Variants in CSMD3 observed in about 807,000 individuals in gnomAD.
CSMD3 encodes CUB and Sushi multiple domains 3.
CSMD3 carries 177 observed loss-of-function variants against 435.2 expected under a neutral mutation model. That is an observed-to-expected ratio of 0.41 (90% confidence interval 0.36 to 0.46). The LOEUF is 0.46. Ranked by LOEUF, CSMD3 falls within the 20% of genes least tolerant of loss-of-function variation. The pLI is 0.34. For synonymous variants in CSMD3, 1,656 were observed against 1,520.5 expected (o/e 1.09, Z -2.07); for missense variants, 4,265 against 4,504.6 (o/e 0.95, Z 1.52).
intron 1 of CSMD3, among the ~76,000 whole-genome samples, chr8:113,433,369 G>A (rs1474671008): frequency 1.3e-5 from 2 of 152,128 alleles, no homozygotes; most frequent in Non-Finnish European, 2.9e-5. Flanking sequence ...TGAAAGCTCC[G>A]GACATGGCCA....
At chr8:112,916,060 T>C (rs758388334) in intron 10 of CSMD3, among the ~76,000 whole-genome samples, 1 of 151,844 alleles carries the variant, frequency 6.6e-6, no homozygotes, top group Non-Finnish European at 1.5e-5. Flanking sequence ...TCAGAAGATA[T>C]TAAGCAAATG....
intron 1 of CSMD3, among the ~76,000 whole-genome samples, chr8:113,318,943 A>C (rs1003704841): frequency 1.3e-5 from 2 of 151,910 alleles, no homozygotes; most frequent in Non-Finnish European, 2.9e-5. Flanking sequence ...TTATCAATTT[A>C]TCTCTCAACG....
chr8:113,269,222 G>T (rs1464732368), intron 3 of CSMD3, among the ~76,000 whole-genome samples: 1 of 151,974 alleles, frequency 6.6e-6, no homozygotes, highest in Non-Finnish European at 1.5e-5. Flanking sequence ...GCTTCAAAGA[G>T]AATAAAATAC....
rs989212923 is a variant in CSMD3, at chr8:112,393,181, C to A, written c.5810-2393G>T. On this transcript the variant is annotated intron_variant, in intron 35 of 70. Coordinates refer to ENST00000297405, the MANE Select transcript of CSMD3 (RefSeq NM_198123.2). ...GATTATAGGCACGAGCCACTGTGCC[C>A]GGCCTACAGATAAATATAGTTAATT... Among the ~76,000 whole-genome samples the A allele has an allele frequency of 1.9e-4, 29 of 152,106 alleles. 1 individual carries two copies. Among genetic ancestry groups the A allele is most frequent in the Non-Finnish European group, 1.5e-5 (1 of 68,018 alleles).
chr8:112,253,540 G>A (rs1815472999), intron 63 of CSMD3, among the ~76,000 whole-genome samples: 1 of 151,874 alleles, frequency 6.6e-6, no homozygotes, highest in African/African-American at 2.4e-5. Context: ...TACAAAACCC[G>A]GCAACACAGG....
At chr8:112,842,298 G>T (rs1180453386) in intron 11 of CSMD3, among the ~76,000 whole-genome samples, 1 of 151,784 alleles carries the variant, frequency 6.6e-6, no homozygotes, top group Non-Finnish European at 1.5e-5. Context: ...AGCTCTCTTG[G>T]CAGCAGCCTA....
chr8:112,770,572 G>T (rs375554247), intron 13 of CSMD3, among the ~76,000 whole-genome samples: 18 of 151,796 alleles, frequency 1.2e-4, no homozygotes, highest in African/African-American at 4.3e-4. Flanking sequence ...AAGTTCATTG[G>T]GTGTTGCCTC....
intron 13 of CSMD3, among the ~76,000 whole-genome samples, chr8:112,723,203 T>G (rs1385305640): frequency 6.6e-6 from 1 of 152,150 alleles, no homozygotes; most frequent in Non-Finnish European, 1.5e-5. Flanking sequence ...AAAGCCAATG[T>G]TGATATTATA....
chr8:113,026,806 C>T (rs1002640510), intron 5 of CSMD3, among the ~76,000 whole-genome samples: 2 of 152,100 alleles, frequency 1.3e-5, no homozygotes, highest in Non-Finnish European at 2.9e-5. Context: ...CATATGTCTT[C>T]TTCAACTCCC....
rs1419026915 is a variant in CSMD3, at chr8:112,644,586, A to C, written c.3310+523T>G. On this transcript the variant is annotated intron_variant, in intron 20 of 70. Coordinates refer to ENST00000297405, the MANE Select transcript of CSMD3 (RefSeq NM_198123.2). Reference sequence around the variant, plus strand: ...TACCTTATGCAGAGTGCAATTTTACACTCTATGTGAGACATATCTATAGCT... The same window carrying C: ...TACCTTATGCAGAGTGCAATTTTACCCTCTATGTGAGACATATCTATAGCT... 3.3e-5 allele frequency among the ~76,000 whole-genome samples: 5 copies of C among 152,016 alleles called. No homozygotes were observed. The East Asian group carries it at 9.6e-4, about 29-fold the overall frequency.
rs2130786668 is a variant in CSMD3 at position 112,306,046 on chromosome 8, C to T, written c.8032G>A (p.Gly2678Arg). 6.2e-7 allele frequency: 1 copy of T among 1,613,824 alleles called. No homozygotes were observed. The highest frequency in any genetic ancestry group is 8.5e-7 in the Non-Finnish European group (1 of 1,179,834). Residue 2678 changes from glycine (G) to arginine (R), a missense_variant, in exon 51 of 71, where the codon GGA becomes AGA. Physicochemically the swap from Gly to Arg is moderately radical, Grantham distance 125 (BLOSUM62 -2). Coordinates refer to ENST00000297405, the MANE Select transcript of CSMD3 (RefSeq NM_198123.2). ...GTCTTGTTATGATTGCTCCATGTTC[C>T]ATCTGATTGGCATACAGCTGTAGTG... ...ELTTAVCQSD[G>R]TWSNHNKTPR...
intron 13 of CSMD3, among the ~76,000 whole-genome samples, chr8:112,754,597 A>C (rs2077647694): frequency 6.6e-6 from 1 of 152,230 alleles, no homozygotes; most frequent in Admixed American, 6.5e-5. Context: ...AGAAAAGAGC[A>C]GGAAACGTGA....
At position 112,299,580 on chromosome 8, in the gene CSMD3, C is replaced by T. The variant is rs942021551; in HGVS notation, c.8440+2213G>A. Among the ~76,000 whole-genome samples the T allele has an allele frequency of 3.3e-5, 5 of 152,096 alleles. No individual in the cohort carries two copies. In the East Asian group the frequency reaches 5.8e-4, roughly 18 times the overall value. ...ATTAGGTGGTAGGCATATGGGTGTT[C>T]ACTGTCAATTCCTTTAATTGAAAAA... On this transcript the variant is annotated intron_variant, in intron 53 of 70. Transcript: ENST00000297405.
chr8:112,443,953 TC>T (rs1470537090), intron 32 of CSMD3, among the ~76,000 whole-genome samples: 2 of 152,202 alleles, frequency 1.3e-5, no homozygotes, highest in Non-Finnish European at 2.9e-5. Flanking sequence ...AGGTACAATA[TC>T]TATTCTCATT....
At chr8:112,863,928 T>A (rs2129936296) in intron 10 of CSMD3, among the ~76,000 whole-genome samples, 1 of 152,182 alleles carries the variant, frequency 6.6e-6, no homozygotes, top group South Asian at 2.1e-4. Context: ...TATTGGGTTA[T>A]AAATTAAATA....
At chr8:112,867,740 G>T (rs1324202902) in intron 10 of CSMD3, among the ~76,000 whole-genome samples, 2 of 152,048 alleles carry the variant, frequency 1.3e-5, no homozygotes, top group African/African-American at 4.8e-5. Flanking sequence ...CCTGTATAGG[G>T]GCACTTACCA....
chr8:112,943,412 C>G (rs752753131), intron 9 of CSMD3, among the ~76,000 whole-genome samples: 2 of 151,372 alleles, frequency 1.3e-5, no homozygotes, highest in African/African-American at 4.8e-5. Flanking sequence ...GATGGGGCAC[C>G]AGGAGAACAT....
chr8:112,956,829 C>T (rs935026449), intron 7 of CSMD3, among the ~76,000 whole-genome samples: 3 of 151,966 alleles, frequency 2.0e-5, no homozygotes, highest in Non-Finnish European at 4.4e-5. Flanking sequence ...CTTTTATAAG[C>T]ATCTATATGT....
intron 23 of CSMD3, among the ~76,000 whole-genome samples, chr8:112,586,193 G>T (rs1586739773): frequency 6.6e-6 from 1 of 151,010 alleles, no homozygotes; most frequent in Non-Finnish European, 1.5e-5. Flanking sequence ...CATTAAAAAA[G>T]AATTCTCCTG....
Sources: allele counts gnomAD v4.1 joint callset (sites outside exome capture counted in the v4.1 genomes callset), GRCh38; gene constraint gnomAD v4.1.1; transcripts MANE v1.5; gene names NCBI Gene and HGNC (gene_info 2026-07-23, HGNC 2026-07-21).